Variants in LMF1 observed in about 807,000 individuals in gnomAD.
The protein encoded by LMF1 is transmembrane protein 112.
LMF1 carries 68 observed loss-of-function variants against 60.6 expected under a neutral mutation model. The ratio of observed to expected loss-of-function variants is 1.12; its 90% CI spans 0.92 to 1.37. The LOEUF is 1.37. Ranked by LOEUF, LMF1 falls within the 40% of genes most tolerant of loss-of-function variation. LMF1 has a pLI of 0.00. For missense variants in LMF1, 948 were observed against 767.2 expected (o/e 1.24, Z -2.78); for synonymous variants, 418 against 324.7 (o/e 1.29, Z -3.09).
chr16:882,270 TG>T (rs1457006189), intron 5 of LMF1, among the ~76,000 whole-genome samples: 3 of 152,356 alleles, frequency 2.0e-5, no homozygotes, highest in African/African-American at 7.2e-5. Flanking sequence ...TCAGCTGTAG[TG>T]GCCACTGCCC....
intron 5 of LMF1, 61 bp downstream of exon 5, chr16:892,946 G>C: frequency 7.5e-7 from 1 of 1,325,514 alleles, no homozygotes; most frequent in Non-Finnish European, 1.0e-6. Flanking sequence ...GCCCCGCCAA[G>C]AGTGGGAACG....
intron 6 of LMF1, chr16:871,657 C>G: frequency 9.6e-6 from 3 of 311,064 alleles, no homozygotes; most frequent in Non-Finnish European, 1.8e-5. Flanking sequence ...CCTGTGCCCT[C>G]CTGGAACTCC....
chr16:870,486 G>A (rs1175373686), intron 8 of LMF1, among the ~76,000 whole-genome samples: 2 of 152,330 alleles, frequency 1.3e-5, no homozygotes, highest in East Asian at 1.9e-4. Context: ...TTCCAGGGCC[G>A]CAGCCCACCT....
upstream of LMF1, chr16:971,023 AGGCCCCGCCC>A: frequency 7.4e-7 from 1 of 1,356,154 alleles, no homozygotes; most frequent in Middle Eastern, 2.7e-4. Flanking sequence ...CCATTCTCGG[AGGCCCCGCCC>A]ATTCTCGGAG....
chr16:881,725 T>C (rs2151716765), intron 5 of LMF1, among the ~76,000 whole-genome samples: 1 of 152,206 alleles, frequency 6.6e-6, no homozygotes, highest in East Asian at 1.9e-4. Flanking sequence ...GCTTGTTGTG[T>C]GTTTGGGGTT....
At chr16:915,159 C>T (rs1267774859) in intron 3 of LMF1, among the ~76,000 whole-genome samples, 1 of 152,218 alleles carries the variant, frequency 6.6e-6, no homozygotes, top group Non-Finnish European at 1.5e-5. Context: ...CACCCTAGAT[C>T]CGCCTCTGCA....
intron 2 of LMF1, chr16:934,550 T>G (rs889933787): frequency 7.1e-6 from 3 of 422,198 alleles, no homozygotes; most frequent in African/African-American, 2.0e-5. Context: ...CTTATTTTTT[T>G]GCAGCATCAA....
rs775682133 is a variant in LMF1, at chr16:869,892, C to T, written c.1407G>A (p.Ala469=). ...AGGGACCGTCCCCCACCTGGAAGGC[C>T]GCGAACCACATCAGCCAGTCCAGGC... The part of the protein sequence containing the change: ...HYRLDWLMWF[A]AFQTYEHNDW... The change falls in exon 9 of 11, where the codon GCG becomes GCA. Residue 469 remains alanine (A), a synonymous_variant. Coordinates refer to ENST00000262301, the MANE Select transcript of LMF1 (RefSeq NM_022773.4). The T allele has an allele frequency of 1.2e-5, 19 of 1,611,776 alleles. No individual in the cohort carries two copies. Among genetic ancestry groups the T allele is most frequent in the South Asian group, 1.1e-4 (10 of 90,950 alleles).
rs75769650 is a variant in LMF1 at position 953,124 on chromosome 16, T to C, written c.503+1233A>G. On this transcript the variant is annotated intron_variant, in intron 2 of 10. Coordinates refer to ENST00000262301, the MANE Select transcript of LMF1 (RefSeq NM_022773.4). ...ACACAGACACCCCAAACCAGCCTCCTACATATCCACACAGACACCCACCCC... is the reference window on the plus strand; with the variant it reads ...ACACAGACACCCCAAACCAGCCTCCCACATATCCACACAGACACCCACCCC... 5.4e-4 allele frequency among the ~76,000 whole-genome samples: 52 copies of C among 96,358 alleles called. 1 individual carries two copies. Among genetic ancestry groups the C allele is most frequent in the African/African-American group, 2.1e-3 (47 of 22,670 alleles). 63.2% of individuals were successfully genotyped at this position (96,358 alleles called of 152,430 possible).
intron 10 of LMF1, among the ~76,000 whole-genome samples, chr16:856,933 C>G (rs572929338): frequency 2.6e-5 from 4 of 152,264 alleles, no homozygotes; most frequent in African/African-American, 9.6e-5. Flanking sequence ...GTCCCATCCA[C>G]GCCCGGACCC....
At chr16:947,776 C>G (rs2072275805) in intron 2 of LMF1, 2 of 353,374 alleles carry the variant, frequency 5.7e-6, no homozygotes, top group Non-Finnish European at 1.1e-5. Context: ...AGAGTCAGAG[C>G]CAACGACAGA....
intron 3 of LMF1, among the ~76,000 whole-genome samples, chr16:922,985 T>G (rs2071483774): frequency 9.0e-6 from 1 of 111,150 alleles, no homozygotes; most frequent in Non-Finnish European, 1.7e-5. Context: ...TCGCCTGGGT[T>G]TTCGGGTGTG....
chr16:891,840 G>A (rs750628527), intron 5 of LMF1, among the ~76,000 whole-genome samples: 2 of 152,230 alleles, frequency 1.3e-5, no homozygotes, highest in South Asian at 4.1e-4. Flanking sequence ...TCTCACACAC[G>A]TGTGCCCTGC....
chr16:857,463 CGGG>C (rs2069226478), intron 10 of LMF1, among the ~76,000 whole-genome samples: 1 of 122,432 alleles, frequency 8.2e-6, no homozygotes, highest in East Asian at 2.4e-4. Flanking sequence ...AGTGGTGTCT[CGGG>C]ACGGGTGTGA....
At chr16:860,506 A>C (rs1254427241) in intron 10 of LMF1, among the ~76,000 whole-genome samples, 2 of 151,814 alleles carry the variant, frequency 1.3e-5, no homozygotes, top group East Asian at 3.9e-4. Context: ...GGCCCTGCTA[A>C]TTTTTTGTGT....
chr16:978,710 G>A (rs1055397948), intron 1 of LMF1, among the ~76,000 whole-genome samples: 3 of 152,124 alleles, frequency 2.0e-5, no homozygotes, highest in African/African-American at 4.8e-5. Context: ...CAGACACGGC[G>A]GAGCAGGCCC....
upstream of LMF1, among the ~76,000 whole-genome samples, chr16:974,720 G>A (rs977744968): frequency 1.6e-4 from 25 of 152,208 alleles, no homozygotes; most frequent in African/African-American, 5.3e-4. Context: ...GCCGGCTTCA[G>A]GGAGGAATGA....
chr16:968,211 G>A (rs2072965996), intron 1 of LMF1, among the ~76,000 whole-genome samples: 1 of 152,208 alleles, frequency 6.6e-6, no homozygotes, highest in African/African-American at 2.4e-5. Flanking sequence ...GCCTGTCGCT[G>A]GCAGCCGGCC....
intron 3 of LMF1, among the ~76,000 whole-genome samples, chr16:932,045 T>C (rs1315989193): frequency 6.6e-6 from 1 of 152,126 alleles, no homozygotes; most frequent in Non-Finnish European, 1.5e-5. Flanking sequence ...CCACCCCCCA[T>C]GCAGACCCCG....
Sources: gnomAD v4.1 joint callset for allele counts (sites outside exome capture counted in the v4.1 genomes callset) on GRCh38, gnomAD v4.1.1 for gene constraint, MANE v1.5 for transcripts, NCBI Gene and HGNC (gene_info 2026-07-23, HGNC 2026-07-21) for gene names.